Variants in CDH13 observed in about 807,000 individuals in gnomAD.
The protein encoded by CDH13 is cadherin-13.
Under a neutral mutation model 63.8 loss-of-function variants are expected in CDH13, and 24 were observed. That is an observed-to-expected ratio of 0.38 (90% CI 0.27 to 0.53). The LOEUF is 0.53. Ranked by LOEUF, CDH13 falls within the 20% of genes least tolerant of loss-of-function variation. CDH13 has a pLI of 0.85. For missense variants in CDH13, 1,049 were observed against 903.1 expected (o/e 1.16, Z -2.07); for synonymous variants, 503 against 355.3 (o/e 1.42, Z -4.67).
rs539883987 is a variant in CDH13 at position 83,443,297 on chromosome 16, C to T, written c.782-43180C>T. 1.6e-4 allele frequency among the ~76,000 whole-genome samples: 24 copies of T among 152,206 alleles called. No individual in the cohort carries two copies. In the East Asian group the frequency reaches 4.5e-3, roughly 28 times the overall value. On this transcript the variant is annotated intron_variant, in intron 6 of 13. Transcript: ENST00000567109. ...CGCCTCTGAGAAAGAGGCTGGGAGG[C>T]CCTTCCGCAACAGGTGTTCAGGTAT...
chr16:83,332,789 C>T (rs1212959898), intron 5 of CDH13, among the ~76,000 whole-genome samples: 1 of 152,156 alleles, frequency 6.6e-6, no homozygotes, highest in East Asian at 1.9e-4. Context: ...TGAATATCTG[C>T]ATAGATTTCT....
chr16:83,649,435 A>G (rs2150817170), intron 8 of CDH13, among the ~76,000 whole-genome samples: 1 of 152,280 alleles, frequency 6.6e-6, no homozygotes, highest in East Asian at 1.9e-4. Context: ...TGTGAAGGGA[A>G]AGAGAGGGTG....
At chr16:82,794,666 T>C (rs550953327) in intron 1 of CDH13, among the ~76,000 whole-genome samples, 2 of 152,300 alleles carry the variant, frequency 1.3e-5, no homozygotes, top group East Asian at 3.9e-4. Flanking sequence ...AAATGAATAG[T>C]TATGTTGCCA....
intron 2 of CDH13, among the ~76,000 whole-genome samples, chr16:82,912,592 C>T (rs1392849034): frequency 6.6e-6 from 1 of 152,168 alleles, no homozygotes; most frequent in East Asian, 1.9e-4. Flanking sequence ...GGTTCTGCTC[C>T]ATTGACCCTA....
chr16:83,234,044 G>A (rs1253363201), intron 5 of CDH13, among the ~76,000 whole-genome samples: 2 of 152,214 alleles, frequency 1.3e-5, no homozygotes, highest in East Asian at 3.9e-4. Context: ...CAGTGTCCAA[G>A]GGGTTCCCCT....
At chr16:83,368,816 A>T (rs905791057) in intron 6 of CDH13, among the ~76,000 whole-genome samples, 3 of 145,778 alleles carry the variant, frequency 2.1e-5, no homozygotes, top group Non-Finnish European at 3.0e-5. Context: ...ACAGTCTGCA[A>T]TTCCATCCAA....
chr16:83,366,415 G>A (rs1293071865), intron 6 of CDH13, among the ~76,000 whole-genome samples: 2 of 152,194 alleles, frequency 1.3e-5, no homozygotes, highest in East Asian at 1.9e-4. Flanking sequence ...ACTGCATTAA[G>A]GAGCTTTACG....
intron 5 of CDH13, among the ~76,000 whole-genome samples, chr16:83,288,559 G>A (rs1386579905): frequency 6.6e-6 from 1 of 152,188 alleles, no homozygotes; most frequent in Admixed American, 6.5e-5. Flanking sequence ...AGCTGAAGGA[G>A]CCACACAGAG....
intron 6 of CDH13, among the ~76,000 whole-genome samples, chr16:83,434,834 A>G (rs2072236808): frequency 9.9e-6 from 1 of 101,476 alleles, no homozygotes; most frequent in Non-Finnish European, 2.1e-5. Flanking sequence ...GCACCTATTT[A>G]AAATATATAT....
chr16:83,687,928 C>G (rs1598481160), intron 10 of CDH13, among the ~76,000 whole-genome samples: 1 of 152,198 alleles, frequency 6.6e-6, no homozygotes, highest in Admixed American at 6.5e-5. Context: ...CTGCTTTGTC[C>G]TGATTTCTTT....
chr16:83,564,855 T>G (rs2075765751), intron 7 of CDH13, among the ~76,000 whole-genome samples: 1 of 152,224 alleles, frequency 6.6e-6, no homozygotes, highest in African/African-American at 2.4e-5. Flanking sequence ...AGAGACCCCA[T>G]GTCTGCCACA....
At chr16:82,945,186 A>C (rs1904566916) in intron 2 of CDH13, among the ~76,000 whole-genome samples, 1 of 152,222 alleles carries the variant, frequency 6.6e-6, no homozygotes, top group African/African-American at 2.4e-5. Context: ...CAAGATAGTA[A>C]ATATTTTCAA....
At chr16:83,505,588 G>T (rs928542043) in intron 7 of CDH13, among the ~76,000 whole-genome samples, 2 of 143,986 alleles carry the variant, frequency 1.4e-5, no homozygotes, top group African/African-American at 5.4e-5. Flanking sequence ...TTGTTGCCCA[G>T]GCTGGAGTGC....
chr16:82,655,608 G>C (rs1330635680), intron 1 of CDH13, among the ~76,000 whole-genome samples: 1 of 152,118 alleles, frequency 6.6e-6, no homozygotes, highest in Non-Finnish European at 1.5e-5. Flanking sequence ...GGGAGGGCAA[G>C]GCAGTGACAT....
At chr16:82,934,864 G>A (rs2042616390) in intron 2 of CDH13, among the ~76,000 whole-genome samples, 2 of 152,132 alleles carry the variant, frequency 1.3e-5, no homozygotes, top group African/African-American at 4.8e-5. Flanking sequence ...ATCACCATCA[G>A]CATTTTGGTC....
chr16:83,091,960 G>C (rs578170859), intron 3 of CDH13, among the ~76,000 whole-genome samples: 26 of 152,316 alleles, frequency 1.7e-4, no homozygotes, highest in African/African-American at 5.8e-4. Flanking sequence ...AATAATTCTA[G>C]TAAGTTCAGA....
intron 2 of CDH13, among the ~76,000 whole-genome samples, chr16:82,919,089 C>T (rs1258904626): frequency 1.3e-5 from 2 of 152,078 alleles, no homozygotes; most frequent in Non-Finnish European, 2.9e-5. Context: ...TTATAGTACT[C>T]ATAGTAATTG....
At chr16:82,767,192 G>A (rs562581413) in intron 1 of CDH13, among the ~76,000 whole-genome samples, 5 of 152,266 alleles carry the variant, frequency 3.3e-5, no homozygotes, top group South Asian at 4.1e-4. Flanking sequence ...TAAATCTTAA[G>A]TGTGTATTCT....
rs78280195 is a variant in CDH13, at chr16:83,410,479, C to T, written c.781+65473C>T. 3.4e-3 allele frequency among the ~76,000 whole-genome samples: 523 copies of T among 152,224 alleles called. 4 individuals carry two copies. Among genetic ancestry groups the T allele is most frequent in the African/African-American group, 0.012 (504 of 41,526 alleles). On this transcript the variant is annotated intron_variant, in intron 6 of 13. Transcript: ENST00000567109. ...TCAAGATAATGCCAGACTCTAATTT[C>T]AGTGTTTAGCAAGGTTACTGGCAAA...
Sources: gnomAD v4.1 joint callset for allele counts (sites outside exome capture counted in the v4.1 genomes callset) on GRCh38, gnomAD v4.1.1 for gene constraint, MANE v1.5 for transcripts, NCBI Gene and HGNC (gene_info 2026-07-23, HGNC 2026-07-21) for gene names.